The following ENPP1 variants were observed in gnomAD, a reference collection of about 807,000 sequenced individuals.
ENPP1 encodes the protein ectonucleotide pyrophosphatase/phosphodiesterase family member 1.
Under a neutral mutation model 122.8 loss-of-function variants are expected in ENPP1, and 73 were observed. That is an observed-to-expected ratio of 0.59 (90% CI 0.49 to 0.72). The LOEUF (loss-of-function observed/expected upper bound fraction) is 0.72. ENPP1 is among the 30% of genes least tolerant of loss of function. The pLI, the probability that ENPP1 is intolerant of heterozygous loss-of-function variation, is 0.00. For synonymous variants in ENPP1, 367 were observed against 391.6 expected, an observed-to-expected ratio of 0.94 and a Z score of 0.74; for missense variants, 978 against 1,128.1, an observed-to-expected ratio of 0.87 and a Z score of 1.91.
intron 1 of ENPP1, among the ~76,000 whole-genome samples, chr6:131,809,585 T>G (rs1006832533): frequency 1.3e-5 from 2 of 152,182 alleles, no homozygotes; most frequent in Non-Finnish European, 2.9e-5. Flanking sequence ...TTTTAAAAAT[T>G]TTGTTAATGG....
At chr6:131,887,946 C>T (rs1293566084) in intron 24 of ENPP1, among the ~76,000 whole-genome samples, 9 of 149,214 alleles carry the variant, frequency 6.0e-5, no homozygotes, top group Admixed American at 3.3e-4. Flanking sequence ...CTGCAACCTC[C>T]GCTTCCCGGG....
chr6:131,810,902 C>T (rs1781341805), intron 1 of ENPP1, among the ~76,000 whole-genome samples: 1 of 152,112 alleles, frequency 6.6e-6, no homozygotes, highest in Non-Finnish European at 1.5e-5. Context: ...AGGAGAGGGC[C>T]ACCAAGCTGT....
chr6:131,851,769 T>A (rs548669211), intron 4 of ENPP1, among the ~76,000 whole-genome samples: 5 of 151,402 alleles, frequency 3.3e-5, no homozygotes, highest in African/African-American at 9.7e-5. Flanking sequence ...ATTATTATTA[T>A]TTTTTTTTCA....
intron 1 of ENPP1, among the ~76,000 whole-genome samples, chr6:131,834,999 C>T (rs932241208): frequency 6.6e-6 from 1 of 152,160 alleles, no homozygotes; most frequent in East Asian, 1.9e-4. Flanking sequence ...TTTAGTCCAA[C>T]TCTTTTTGTT....
chr6:131,811,376 A>ATATCTATATCTATATC (rs1407442478), intron 1 of ENPP1, among the ~76,000 whole-genome samples: 55 of 131,290 alleles, frequency 4.2e-4, no homozygotes, highest in Admixed American at 1.3e-3. Flanking sequence ...ATCTATATCT[A>ATATCTATATCTATATC]TATATCTATA....
intron 5 of ENPP1, among the ~76,000 whole-genome samples, chr6:131,853,113 C>T (rs1781901754): frequency 6.6e-6 from 1 of 151,992 alleles, no homozygotes; most frequent in South Asian, 2.1e-4. Context: ...AATTTTTAAG[C>T]TGTATTTTAG....
At chr6:131,828,334 ACATC>A (rs1237963860) in intron 1 of ENPP1, 2 of 438,194 alleles carry the variant, frequency 4.6e-6, no homozygotes, top group African/African-American at 4.1e-5. Context: ...ATACCAGAAG[ACATC>A]CTACCATGAT....
At chr6:131,818,970 A>G (rs940499812) in intron 1 of ENPP1, among the ~76,000 whole-genome samples, 1 of 152,244 alleles carries the variant, frequency 6.6e-6, no homozygotes, top group Non-Finnish European at 1.5e-5. Flanking sequence ...TCAGCTGTCT[A>G]TGATAAAATC....
chr6:131,879,420 TG>T (rs11319763), intron 19 of ENPP1, among the ~76,000 whole-genome samples: 38,776 of 152,044 alleles, frequency 0.26, 8,518 homozygotes, highest in African/African-American at 0.6. Flanking sequence ...ACCAAGCCCT[TG>T]ACATTTGGAA....
intron 1 of ENPP1, among the ~76,000 whole-genome samples, chr6:131,824,749 C>T (rs1478037535): frequency 6.6e-6 from 1 of 152,100 alleles, no homozygotes; most frequent in Non-Finnish European, 1.5e-5. Flanking sequence ...CCACCGTGCC[C>T]AGCCGGTTTT....
chr6:131,831,428 A>C (rs146691524), intron 1 of ENPP1, among the ~76,000 whole-genome samples: 321 of 152,280 alleles, frequency 2.1e-3, no homozygotes, highest in Non-Finnish European at 3.7e-3. Context: ...TTTATTCAGA[A>C]TTACTTGTTT....
intron 1 of ENPP1, among the ~76,000 whole-genome samples, chr6:131,822,078 C>T (rs1781490885): frequency 6.6e-6 from 1 of 152,154 alleles, no homozygotes; most frequent in Non-Finnish European, 1.5e-5. Context: ...GTCTTATCTA[C>T]TTTTGGATTA....
intron 2 of ENPP1, among the ~76,000 whole-genome samples, chr6:131,849,263 G>A (rs1218858855): frequency 1.3e-5 from 2 of 152,160 alleles, no homozygotes; most frequent in Non-Finnish European, 2.9e-5. Context: ...GCCAGATGTG[G>A]TCTTGGTTTG....
intron 7 of ENPP1, among the ~76,000 whole-genome samples, chr6:131,859,985 T>C (rs1166355549): frequency 6.6e-6 from 1 of 152,070 alleles, no homozygotes; most frequent in Non-Finnish European, 1.5e-5. Context: ...GAATGCTGAG[T>C]TGGTCATGTC....
At chr6:131,841,005 C>T (rs955898927) in intron 1 of ENPP1, among the ~76,000 whole-genome samples, 1 of 152,168 alleles carries the variant, frequency 6.6e-6, no homozygotes, top group Non-Finnish European at 1.5e-5. Flanking sequence ...AAGGGCTTCA[C>T]ATCAAGTTTC....
chr6:131,813,903 C>T (rs1179024511), intron 1 of ENPP1, among the ~76,000 whole-genome samples: 2 of 152,090 alleles, frequency 1.3e-5, no homozygotes, highest in East Asian at 1.9e-4. Context: ...TTCGTAGTCT[C>T]CTTCATCCAG....
intron 1 of ENPP1, among the ~76,000 whole-genome samples, chr6:131,835,329 G>T (rs1781661011): frequency 6.6e-6 from 1 of 152,110 alleles, no homozygotes; most frequent in Non-Finnish European, 1.5e-5. Flanking sequence ...TTACTGATAG[G>T]AGTTTTCTTT....
intron 24 of ENPP1, among the ~76,000 whole-genome samples, chr6:131,887,395 T>TTA (rs148554763): frequency 0.047 from 5,930 of 125,448 alleles, 178 homozygotes; most frequent in African/African-American, 0.11. Flanking sequence ...ATTTTAGCAA[T>TTA]TTTTTTTTTT....
In ENPP1 at chr6:131,872,093, A is replaced by G; in HGVS notation, c.1429A>G (p.Asn477Asp). ...AGTTAACTATGAAGGCATTGCCCGA[A>G]ATCTTTCTGTGAGTATCTTTATTTT... Reference protein sequence around the residue: ...YSFNYEGIARNLSCREPNQHF... With the variant: ...YSFNYEGIARDLSCREPNQHF... The change falls in exon 14 of 25, where the codon AAT (asparagine) becomes GAT (aspartate). Residue 477 changes from asparagine to aspartate, a missense_variant. By Grantham distance (23) the Asn-to-Asp change is conservative. Transcript: ENST00000647893. The G allele has an allele frequency of 6.3e-7, 1 of 1,589,768 alleles. No individual in the cohort carries two copies. Among genetic ancestry groups the G allele is most frequent in the Non-Finnish European group, 8.6e-7 (1 of 1,161,114 alleles).
Sources: gnomAD v4.1 joint callset for allele counts (sites outside exome capture counted in the v4.1 genomes callset) on GRCh38, gnomAD v4.1.1 for gene constraint, MANE v1.5 for transcripts, NCBI Gene and HGNC (gene_info 2026-07-23, HGNC 2026-07-21) for gene names.